The following EHBP1L1 variants were observed in gnomAD, a reference collection of about 807,000 sequenced individuals.
EHBP1L1 encodes the protein EH domain binding protein 1 like 1, also known as EH domain-binding protein 1-like protein 1.
In EHBP1L1, 122 loss-of-function variants were observed where a neutral mutation model predicts 151.1. The observed-to-expected ratio is 0.81, with a 90% CI of 0.70 to 0.94. The LOEUF is 0.94. Among genes scored for constraint, EHBP1L1 ranks in the 40% least tolerant of loss-of-function variants. The pLI is 0.00. For missense variants in EHBP1L1, 1,941 were observed against 1,959.8 expected (o/e 0.99, Z 0.18); for synonymous variants, 878 against 810.1 (o/e 1.08, Z -1.42).
At chr11:65,586,181 T>C (rs1171469754) in intron 12 of EHBP1L1, among the ~76,000 whole-genome samples, 1 of 152,154 alleles carries the variant, frequency 6.6e-6, no homozygotes, top group African/African-American at 2.4e-5. Context: ...GTTGGAGATG[T>C]GAGATCGTGA....
chr11:65,577,887 C>G (rs1018059360), intron 1 of EHBP1L1, among the ~76,000 whole-genome samples: 17 of 152,148 alleles, frequency 1.1e-4, no homozygotes, highest in Non-Finnish European at 2.2e-4. Flanking sequence ...TGGCCTCAGA[C>G]GAACAGTGAG....
chr11:65,587,354 A>G (rs1858024901), intron 12 of EHBP1L1, among the ~76,000 whole-genome samples: 2 of 151,432 alleles, frequency 1.3e-5, no homozygotes, highest in Non-Finnish European at 2.9e-5. Flanking sequence ...GCCTGGCAAC[A>G]GAGCAAGACT....
intron 1 of EHBP1L1, among the ~76,000 whole-genome samples, chr11:65,577,984 G>A (rs942116085): frequency 6.6e-6 from 1 of 152,122 alleles, no homozygotes; most frequent in Non-Finnish European, 1.5e-5. Context: ...GGGCCGGATC[G>A]TCCCCTCAAG....
At position 65,592,185 on chromosome 11, in the gene EHBP1L1, C is replaced by A; in HGVS notation, c.4473-18C>A. 2 of 1,583,916 alleles carry A rather than the reference C, an allele frequency of 1.3e-6. No individual in the cohort carries two copies. The highest frequency in any genetic ancestry group is 1.1e-5 in the South Asian group (1 of 88,872). On this transcript the variant is annotated intron_variant, in intron 18 of 18. Coordinates refer to ENST00000309295, the MANE Select transcript of EHBP1L1 (RefSeq NM_001099409.3). ...GACCCCGCCCAACGGAGCGCTGACT[C>A]GAACCCGTTCTCCCCAGCGCCCTGG... is the stretch of plus-strand genomic sequence containing the variant.
intron 16 of EHBP1L1, 26 bp from the exon 17 acceptor site, chr11:65,591,768 CCCCCCG>C: frequency 1.2e-6 from 1 of 838,548 alleles, no homozygotes; most frequent in Non-Finnish European, 2.0e-6. Flanking sequence ...GAACTGCCAC[CCCCCCG>C]CCACCCACCC....
chr11:65,581,613 G>A lies in EHBP1L1; in HGVS notation c.941G>A (p.Arg314Gln), dbSNP rs558905922. The A allele has an allele frequency of 5.9e-6, 9 of 1,535,172 alleles. No individual in the cohort carries two copies. Among genetic ancestry groups the A allele is most frequent in the Middle Eastern group, 1.7e-4 (1 of 5,834 alleles). ...PRLRKGSDAL[R>Q]PPVPQGEDEV... Reference sequence around the variant, plus strand: ...CTCCGGAAAGGCTCTGATGCCCTCCGGCCCCCAGTCCCCCAGGGGGAAGAT... The same window carrying A: ...CTCCGGAAAGGCTCTGATGCCCTCCAGCCCCCAGTCCCCCAGGGGGAAGAT... Residue 314 changes from arginine (R) to glutamine (Q), a missense_variant, in exon 9 of 19, where the codon CGG becomes CAG. Arg to Gln is a conservative substitution (Grantham distance 43). Transcript: ENST00000309295.
At chr11:65,584,597 C>T in intron 11 of EHBP1L1, 63 bp downstream of exon 11, 1 of 1,572,262 alleles carries the variant, frequency 6.4e-7, no homozygotes, top group South Asian at 1.2e-5. Context: ...CTCTCAGTGT[C>T]AGATTTGGAG....
Position 65,576,282 on chromosome 11 carries a change from G to T in EHBP1L1, c.-21G>T. 6.4e-7 allele frequency: 1 copy of T among 1,564,822 alleles called. No homozygotes were observed. The highest frequency in any genetic ancestry group is 1.2e-5 in the South Asian group (1 of 86,240). ...GCGGGAGCCCCGGGCCTGAGAAGTG[G>T]GCGGCGGGGTGGCGGGGGCCATGAC... On this transcript the variant is annotated 5_prime_UTR_variant, in exon 1 of 19. Transcript: ENST00000309295.
In EHBP1L1 at chr11:65,582,193, G is replaced by A; in HGVS notation, c.1521G>A (p.Glu507=). The A allele has an allele frequency of 1.9e-6, 3 of 1,545,406 alleles. No individual in the cohort carries two copies. Among genetic ancestry groups the A allele is most frequent in the African/African-American group, 1.4e-5 (1 of 72,522 alleles). Residue 507 remains glutamate, a synonymous_variant, in exon 9 of 19, where the codon GAG becomes GAA. Transcript: ENST00000309295. ...GGGCTGCTGCAGGCCAGGAGAGAGA[G>A]GGTGCAGAAGTGAGGGGTGGAGCAC... The part of the protein sequence containing the change: ...GARAAAGQER[E]GAEVRGGAPG...
chr11:65,581,923 G>C lies in EHBP1L1; in HGVS notation c.1251G>C (p.Glu417Asp). The change falls in exon 9 of 19, where the codon GAG becomes GAC. Residue 417 changes from glutamate (E) to aspartate (D), a missense_variant. Physicochemically the swap from Glu to Asp is conservative, Grantham distance 45 (BLOSUM62 2). Coordinates refer to ENST00000309295, the MANE Select transcript of EHBP1L1 (RefSeq NM_001099409.3). ...RSGVRAGEAEESSAVCQVDAE... is the reference protein window; with the variant it reads ...RSGVRAGEAEDSSAVCQVDAE... ...GAGTCAGAGCTGGGGAGGCTGAAGA[G>C]AGTTCAGCAGTTTGTCAAGTGGATG... 6.2e-7 allele frequency: 1 copy of C among 1,613,786 alleles called. No homozygotes were observed.
chr11:65,584,255 G>A lies in EHBP1L1; in HGVS notation c.3108G>A (p.Leu1036=). The A allele has an allele frequency of 6.2e-7, 1 of 1,610,136 alleles. No homozygotes were observed. Among genetic ancestry groups the A allele is most frequent in the South Asian group, 1.1e-5 (1 of 90,778 alleles). The part of the protein sequence containing the change: ...RLPGSQAPPA[L]VSSSQSLLEW... Reference sequence around the variant, plus strand: ...TGTGTCCTCAGGCACCACCTGCCCTGGTCAGCTCCAGCCAGTCCCTGCTGG... The same window carrying A: ...TGTGTCCTCAGGCACCACCTGCCCTAGTCAGCTCCAGCCAGTCCCTGCTGG... Residue 1036 remains leucine, a synonymous_variant, in exon 10 of 19, where the codon CTG becomes CTA. Coordinates refer to ENST00000309295, the MANE Select transcript of EHBP1L1 (RefSeq NM_001099409.3).
rs754973909 is a variant in EHBP1L1 at position 65,584,229 on chromosome 11, C to T, written c.3094-12C>T. ...ATTTATACATTCCCTAAGCCCACCCCTGTGTCCTCAGGCACCACCTGCCCT... is the reference window on the plus strand; with the variant it reads ...ATTTATACATTCCCTAAGCCCACCCTTGTGTCCTCAGGCACCACCTGCCCT... On this transcript the variant is annotated splice_polypyrimidine_tract_variant and intron_variant, in intron 9 of 18. Coordinates refer to ENST00000309295, the MANE Select transcript of EHBP1L1 (RefSeq NM_001099409.3). 2 of 1,605,600 alleles carry T rather than the reference C, an allele frequency of 1.2e-6. 1 individual carries two copies. Among genetic ancestry groups the T allele is most frequent in the South Asian group, 2.2e-5 (2 of 90,154 alleles).
rs530013421 is a variant in EHBP1L1, at chr11:65,586,637, A to G, written c.3933+1046A>G. 6.6e-5 allele frequency among the ~76,000 whole-genome samples: 10 copies of G among 152,342 alleles called. No homozygotes were observed. The East Asian group carries it at 1.5e-3, about 23-fold the overall frequency. On this transcript the variant is annotated intron_variant, in intron 12 of 18. Transcript: ENST00000309295. ...CTGCCAGCCATCTCCCGGAAGGTCC[A>G]TAAGTGGCAATGAGGCCAGGCTGAG...
At position 65,582,338 on chromosome 11, in the gene EHBP1L1, GGTCTGGGA is replaced by G; in HGVS notation, c.1668_1675del (p.Trp560ArgfsTer13). On this transcript the variant is annotated frameshift_variant, in exon 9 of 19. Transcript: ENST00000309295. LOFTEE classifies it high-confidence loss of function. ...AACTGCCCAGGGGGCAATATCCAGGGGTCTGGGAGGCTGGGAGGCAGAAGCTGGGGGTT... is the reference window on the plus strand; with the variant it reads ...AACTGCCCAGGGGGCAATATCCAGGGGGCTGGGAGGCAGAAGCTGGGGGTT... 6.4e-7 allele frequency: 1 copy of G among 1,568,094 alleles called. No individual in the cohort carries two copies. The highest frequency in any genetic ancestry group is 1.7e-4 in the Middle Eastern group (1 of 5,750).
At chr11:65,576,929 T>A (rs1857358032) in intron 1 of EHBP1L1, among the ~76,000 whole-genome samples, 1 of 151,860 alleles carries the variant, frequency 6.6e-6, no homozygotes, top group East Asian at 1.9e-4. Context: ...ATCTCCACAA[T>A]GTCCTTAAAA....
rs375897438 is a variant in EHBP1L1, at chr11:65,590,113, C to G, written c.4086C>G (p.Tyr1362Ter). The change falls in exon 15 of 19, where the codon TAC (tyrosine) becomes TAG (stop). Residue 1362 changes from tyrosine to a stop codon, truncating the protein, a stop_gained. Coordinates refer to ENST00000309295, the MANE Select transcript of EHBP1L1 (RefSeq NM_001099409.3). LOFTEE classifies it high-confidence loss of function. The part of the protein sequence containing the change: ...GLQRFQDTSQ[Y>*]VCAELQALEQ... Reference sequence around the variant, plus strand: ...AACGGTTCCAGGACACAAGTCAGTACGTGTGTGCAGAGCTGCAGGCCCTGG... The same window carrying G: ...AACGGTTCCAGGACACAAGTCAGTAGGTGTGTGCAGAGCTGCAGGCCCTGG... The G allele has an allele frequency of 6.2e-7, 1 of 1,613,860 alleles. No individual in the cohort carries two copies. The highest frequency in any genetic ancestry group is 1.1e-5 in the South Asian group (1 of 91,066).
intron 9 of EHBP1L1, 196 bp downstream of exon 9, chr11:65,583,961 G>A: frequency 7.1e-7 from 1 of 1,414,862 alleles, no homozygotes; most frequent in Non-Finnish European, 9.2e-7. Context: ...GGGCCGCATG[G>A]AGCTGGACAC....
At chr11:65,579,553 GC>G in intron 3 of EHBP1L1, 117 bp downstream of exon 3, 1 of 877,892 alleles carries the variant, frequency 1.1e-6, no homozygotes, top group Non-Finnish European at 1.6e-6. Flanking sequence ...GGGGGGTGAG[GC>G]CAAGAATTAG....
rs1857911111 is a variant in EHBP1L1 at position 65,585,409 on chromosome 11, G to A, written c.3751G>A (p.Val1251Met). The A allele has an allele frequency of 2.9e-6, 4 of 1,389,890 alleles. No homozygotes were observed. The highest frequency in any genetic ancestry group is 3.1e-5 in the African/African-American group (2 of 63,714). The allele number at this position is 1,389,890 out of a possible 1,614,324, so 86.1% of individuals were successfully genotyped here. ...NGAGAPGGGG[V>M]RLRRPSVNGE... is the part of the protein sequence containing the mutation. Reference sequence around the variant, plus strand: ...GGCGGGGGCACCGGGCGGCGGCGGCGTGAGGCTGCGACGGCCCTCGGTCAA... The same window carrying A: ...GGCGGGGGCACCGGGCGGCGGCGGCATGAGGCTGCGACGGCCCTCGGTCAA... The change falls in exon 12 of 19, where the codon GTG (valine) becomes ATG (methionine). Residue 1251 changes from valine to methionine, a missense_variant. Transcript: ENST00000309295. This position sits in a 1 kb window ranked among gnomAD's most constrained non-coding sequence, Gnocchi z 4.0.
Sources: allele counts gnomAD v4.1 joint callset (sites outside exome capture counted in the v4.1 genomes callset), GRCh38; gene constraint gnomAD v4.1.1; non-coding constraint Gnocchi (gnomAD v3.1); transcripts MANE v1.5; gene names NCBI Gene and HGNC (gene_info 2026-07-23, HGNC 2026-07-21).